GLIS3: variants seen among roughly 807,000 people sequenced by gnomAD.
The protein encoded by GLIS3 is GLIS family zinc finger 3.
In GLIS3, 53 loss-of-function variants were observed where a neutral mutation model predicts 78.6. The observed-to-expected ratio is 0.67, with a 90% CI of 0.54 to 0.85. GLIS3 has a LOEUF of 0.85. Ranked by LOEUF, GLIS3 falls within the 40% of genes least tolerant of loss-of-function variation. The pLI, the probability that GLIS3 is intolerant of heterozygous loss-of-function variation, is 0.00. For synonymous variants in GLIS3, 684 were observed against 509.9 expected (o/e 1.34, Z -4.60); for missense variants, 1,703 against 1,231.1 (o/e 1.38, Z -5.74).
chr9:4,078,451 C>A (rs559986970), intron 4 of GLIS3, among the ~76,000 whole-genome samples: 1 of 152,140 alleles, frequency 6.6e-6, no homozygotes, highest in Non-Finnish European at 1.5e-5. Flanking sequence ...GATTCTGTAA[C>A]AATATAATTC....
At chr9:4,233,334 G>A (rs72691855) in intron 2 of GLIS3, among the ~76,000 whole-genome samples, 2 of 152,114 alleles carry the variant, frequency 1.3e-5, no homozygotes, top group Admixed American at 1.3e-4. Flanking sequence ...TTTATACCAG[G>A]ACCAAACTGA....
the GLIS3 span, among the ~76,000 whole-genome samples, chr9:4,425,399 C>T: frequency 1.9e-3 from 285 of 152,344 alleles, no homozygotes; most frequent in African/African-American, 6.5e-3. Context: ...CCTGGAGACC[C>T]TGTTTTCATC....
chr9:4,489,760 T>A, the GLIS3 span, among the ~76,000 whole-genome samples: 1 of 152,174 alleles, frequency 6.6e-6, no homozygotes, highest in Non-Finnish European at 1.5e-5. Context: ...CTCCAGGGCC[T>A]GTGGTCACAG....
At chr9:4,481,972 A>C in the GLIS3 span, among the ~76,000 whole-genome samples, 1 of 152,262 alleles carries the variant, frequency 6.6e-6, no homozygotes, top group Non-Finnish European at 1.5e-5. Context: ...AACGTATGTC[A>C]AAATATCTTT....
chr9:4,235,708 C>A (rs1283945299), intron 2 of GLIS3, among the ~76,000 whole-genome samples: 1 of 150,944 alleles, frequency 6.6e-6, no homozygotes, highest in East Asian at 1.9e-4. Flanking sequence ...GAAGTATTCC[C>A]CAAGCTAGAA....
intron 1 of GLIS3, 121 bp downstream of exon 1, chr9:4,299,300 C>T (rs1040738277): frequency 6.6e-6 from 1 of 152,192 alleles, no homozygotes; most frequent in African/African-American, 2.4e-5. Context: ...ACCGGCTCAG[C>T]GTAGAAAACT....
chr9:4,460,452 T>C, the GLIS3 span, among the ~76,000 whole-genome samples: 5 of 152,188 alleles, frequency 3.3e-5, no homozygotes, highest in Admixed American at 6.5e-5. Flanking sequence ...GTCCACACCA[T>C]ATGGTGCTTC....
rs112599833 is a variant in GLIS3, at chr9:4,298,410, A to T, written c.-99+1011T>A. ...TAATTGAATCATCCATAGGATGACA[A>T]ATCAGCCAGGGCCAAGATTTCCAGA... On this transcript the variant is annotated intron_variant, in intron 1 of 10. Coordinates refer to ENST00000381971, the MANE Select transcript of GLIS3 (RefSeq NM_001042413.2). The T allele has an allele frequency of 6.6e-6, 3 of 456,024 alleles. No homozygotes were observed. In the Admixed American group the frequency reaches 7.1e-5, roughly 11 times the overall value. 28.2% of individuals were successfully genotyped at this position (456,024 alleles called of 1,614,324 possible).
chr9:4,106,823 A>T (rs1242229071), intron 4 of GLIS3, among the ~76,000 whole-genome samples: 1 of 152,190 alleles, frequency 6.6e-6, no homozygotes, highest in African/African-American at 2.4e-5. Flanking sequence ...GATCTCCCTT[A>T]AGGGTAAGTG....
chr9:4,320,584 C>A (rs1817509540), intron 2 of GLIS3, among the ~76,000 whole-genome samples: 1 of 151,318 alleles, frequency 6.6e-6, no homozygotes, highest in Admixed American at 6.6e-5. Context: ...CAACACAAAA[C>A]CCATCATCAT....
chr9:3,861,875 G>A (rs1005079768), intron 8 of GLIS3, among the ~76,000 whole-genome samples: 2 of 152,110 alleles, frequency 1.3e-5, no homozygotes, highest in Non-Finnish European at 2.9e-5. Context: ...ACAGCAAACC[G>A]CCATGGCACA....
intron 2 of GLIS3, among the ~76,000 whole-genome samples, chr9:4,330,108 G>T (rs910846615): frequency 6.6e-6 from 1 of 152,154 alleles, no homozygotes; most frequent in Middle Eastern, 3.2e-3. Context: ...CTTACTTTTA[G>T]GAAATTCAGT....
At position 3,879,613 on chromosome 9, in the gene GLIS3, C is replaced by T. The variant is rs776463350; in HGVS notation, c.2129-18G>A. The T allele has an allele frequency of 6.8e-6, 11 of 1,613,584 alleles. No individual in the cohort carries two copies. The East Asian group carries it at 1.8e-4, about 26-fold the overall frequency. On this transcript the variant is annotated intron_variant, in intron 7 of 10. Coordinates refer to ENST00000381971, the MANE Select transcript of GLIS3 (RefSeq NM_001042413.2). ...AATGGGAGCTGAAATCAAGGGAGAA[C>T]AAACATGAGACCGTGCCCCAAAGGA...
chr9:4,483,214 G>A, the GLIS3 span, among the ~76,000 whole-genome samples: 6 of 81,888 alleles, frequency 7.3e-5, no homozygotes, highest in Admixed American at 1.2e-4. Flanking sequence ...GCAGAGAAAT[G>A]CCGTAAATTG....
At chr9:3,856,271 C>G (rs1414699428) in intron 8 of GLIS3, 87 bp from the exon 9 acceptor site, 5 of 1,188,296 alleles carry the variant, frequency 4.2e-6, no homozygotes, top group African/African-American at 1.5e-5. Flanking sequence ...TCTCACCTCC[C>G]ATTCTGGCTA....
the GLIS3 span, among the ~76,000 whole-genome samples, chr9:4,419,523 C>T: frequency 1.3e-5 from 2 of 152,144 alleles, no homozygotes; most frequent in Admixed American, 6.5e-5. Flanking sequence ...GGTGCGGTGG[C>T]TCATGCTTGT....
chr9:4,206,517 C>G (rs527639537), intron 2 of GLIS3, among the ~76,000 whole-genome samples: 2 of 152,202 alleles, frequency 1.3e-5, no homozygotes, highest in Non-Finnish European at 2.9e-5. Flanking sequence ...GAAAATCCCA[C>G]ACAGCCTATG....
At position 4,084,433 on chromosome 9, in the gene GLIS3, A is replaced by G. The variant is rs150163213; in HGVS notation, c.1710+33335T>C. On this transcript the variant is annotated intron_variant, in intron 4 of 10. Coordinates refer to ENST00000381971, the MANE Select transcript of GLIS3 (RefSeq NM_001042413.2). ...TAATGGCAAATTGCTAATGCTATCA[A>G]GCCAAGAGCCTCCAGCAGGTTCGCG... Among the ~76,000 whole-genome samples, 124 of 152,290 alleles carry G rather than the reference A, an allele frequency of 8.1e-4. 1 individual carries two copies. The highest frequency in any genetic ancestry group is 1.5e-3 in the East Asian group (8 of 5,172).
intron 4 of GLIS3, among the ~76,000 whole-genome samples, chr9:4,057,009 A>G (rs562365358): frequency 3.3e-5 from 5 of 149,850 alleles, no homozygotes; most frequent in African/African-American, 1.2e-4. Flanking sequence ...TATCTAGTGC[A>G]TTATCTGCAT....
Sources: gnomAD v4.1 joint callset for allele counts (sites outside exome capture counted in the v4.1 genomes callset) on GRCh38, gnomAD v4.1.1 for gene constraint, MANE v1.5 for transcripts, NCBI Gene and HGNC (gene_info 2026-07-23, HGNC 2026-07-21) for gene names.